The following AARS1 variants were observed in gnomAD, a reference collection of about 807,000 sequenced individuals.
The protein encoded by AARS1 is alanine--tRNA ligase, cytoplasmic.
Under a neutral mutation model 108.9 loss-of-function variants are expected in AARS1, and 72 were observed. The ratio of observed to expected loss-of-function variants is 0.66; its 90% CI spans 0.55 to 0.80. The LOEUF is 0.80. Ranked by LOEUF, AARS1 falls within the 30% of genes least tolerant of loss-of-function variation. AARS1 has a pLI of 0.00. For synonymous variants in AARS1, 489 were observed against 465.7 expected, an observed-to-expected ratio of 1.05 and a Z score of -0.64; for missense variants, 1,193 against 1,233.2, an observed-to-expected ratio of 0.97 and a Z score of 0.49.
At chr16:70,285,285 T>C (rs1458340315) in intron 1 of AARS1, among the ~76,000 whole-genome samples, 1 of 151,678 alleles carries the variant, frequency 6.6e-6, no homozygotes, top group Non-Finnish European at 1.5e-5. Flanking sequence ...TACTTTTAAG[T>C]TGTTTAGCTG....
At chr16:70,256,520 G>T (rs1164819337) in intron 15 of AARS1, among the ~76,000 whole-genome samples, 2 of 152,060 alleles carry the variant, frequency 1.3e-5, no homozygotes, top group Non-Finnish European at 2.9e-5. Flanking sequence ...GGCTGGTCTT[G>T]AACTCCTGAC....
intron 2 of AARS1, among the ~76,000 whole-genome samples, chr16:70,279,670 C>CAAAAAAAAA (rs367753826): frequency 5.2e-5 from 6 of 114,576 alleles, no homozygotes; most frequent in Non-Finnish European, 3.5e-5. Context: ...CAAAAAAAAA[C>CAAAAAAAAA]AAAAAAAAAA....
At chr16:70,266,143 C>T (rs1416620227) in intron 9 of AARS1, among the ~76,000 whole-genome samples, 2 of 152,082 alleles carry the variant, frequency 1.3e-5, no homozygotes, top group Non-Finnish European at 2.9e-5. Flanking sequence ...GAAACCCTGT[C>T]TCTACTAAAA....
chr16:70,265,258 G>A, intron 10 of AARS1, 156 bp from the exon 11 acceptor site: 1 of 1,084,200 alleles, frequency 9.2e-7, no homozygotes, highest in Non-Finnish European at 1.4e-6. Flanking sequence ...ATTCTCTGTT[G>A]TGGAAACTTC....
At chr16:70,276,698 G>A (rs1960561067) in intron 3 of AARS1, 67 bp from the exon 4 acceptor site, 2 of 1,526,482 alleles carry the variant, frequency 1.3e-6, no homozygotes, top group East Asian at 4.5e-5. Flanking sequence ...TATGAGACCA[G>A]ATGCTAGGAA....
Position 70,253,707 on chromosome 16 carries a change from G to T in AARS1, c.2607+7C>A, listed in dbSNP as rs753678160. On this transcript the variant is annotated splice_region_variant and intron_variant, in intron 19 of 20. Transcript: ENST00000261772. ...CCTAGGGGAGGGGACCCTGGCCCCT[G>T]GGTTGCCTTGGCTGAGGCGCCGCTC... 6.2e-7 allele frequency: 1 copy of T among 1,613,408 alleles called. No homozygotes were observed. The highest frequency in any genetic ancestry group is 1.1e-5 in the South Asian group (1 of 91,066).
chr16:70,257,588 C>G (rs879434022), intron 15 of AARS1, among the ~76,000 whole-genome samples: 1 of 152,138 alleles, frequency 6.6e-6, no homozygotes, highest in African/African-American at 2.4e-5. Context: ...GTGGCCTGCT[C>G]GGGGGCTCTG....
At chr16:70,254,295 C>T (rs1253159560) in intron 17 of AARS1, 2 of 600,792 alleles carry the variant, frequency 3.3e-6, no homozygotes, top group Non-Finnish European at 5.9e-6. Flanking sequence ...TGATAAGCTT[C>T]CTGGCAGCTT....
rs566050181 is a variant in AARS1 at position 70,274,511 on chromosome 16, G to A, written c.479+1975C>T. ...GAGGCCGAGGCGTGTGGATCACCAG[G>A]TCAGGAGTTCAAGACCAGCCTGGCC... On this transcript the variant is annotated intron_variant, in intron 4 of 20. Transcript: ENST00000261772. 2.1e-4 allele frequency among the ~76,000 whole-genome samples: 32 copies of A among 151,630 alleles called. No individual in the cohort carries two copies. The South Asian group carries it at 4.0e-3, about 19-fold the overall frequency.
chr16:70,266,132 T>C (rs994918889), intron 9 of AARS1, among the ~76,000 whole-genome samples: 9 of 151,936 alleles, frequency 5.9e-5, no homozygotes, highest in Admixed American at 1.3e-4. Context: ...GCCAATACGG[T>C]GAAACCCTGT....
intron 9 of AARS1, among the ~76,000 whole-genome samples, chr16:70,267,415 T>C (rs1261047999): frequency 6.6e-6 from 1 of 152,162 alleles, no homozygotes; most frequent in Non-Finnish European, 1.5e-5. Context: ...GAGAAATGAG[T>C]GTGGAAAAGA....
intron 16 of AARS1, among the ~76,000 whole-genome samples, chr16:70,255,176 G>GTAGAT (rs1431868994): frequency 6.6e-6 from 1 of 151,106 alleles, no homozygotes; most frequent in African/African-American, 2.4e-5. Context: ...ACAGGAGGGG[G>GTAGAT]TAGATGGCCA....
intron 15 of AARS1, among the ~76,000 whole-genome samples, chr16:70,257,757 C>G (rs1159836599): frequency 1.3e-5 from 2 of 152,206 alleles, no homozygotes; most frequent in Non-Finnish European, 2.9e-5. Flanking sequence ...CTAGTTTCAG[C>G]CCAGCAAACA....
At chr16:70,279,660 C>CAAAAA (rs1237907744) in intron 2 of AARS1, among the ~76,000 whole-genome samples, 1 of 39,400 alleles carries the variant, frequency 2.5e-5, no homozygotes, top group African/African-American at 8.6e-5. Flanking sequence ...AACTCTGTCT[C>CAAAAA]AAAAAAAAAC....
At chr16:70,273,574 C>T (rs1242598745) in intron 4 of AARS1, among the ~76,000 whole-genome samples, 1 of 151,894 alleles carries the variant, frequency 6.6e-6, no homozygotes, top group African/African-American at 2.4e-5. Flanking sequence ...AAAAATTAGC[C>T]AGACAGGGCC....
At chr16:70,270,085 G>A (rs1421541905) in intron 6 of AARS1, 111 bp downstream of exon 6, 2 of 1,347,416 alleles carry the variant, frequency 1.5e-6, no homozygotes, top group African/African-American at 2.9e-5. Flanking sequence ...AGATGGAAAT[G>A]GGTACCCTTG....
Position 70,270,315 on chromosome 16 carries a change from GAGGTTTCAGAATGCCATC to G in AARS1, c.679_696del (p.Asp227_Pro232del), listed in dbSNP as rs1166868682. The G allele has an allele frequency of 6.2e-7, 1 of 1,614,212 alleles. No individual in the cohort carries two copies. Among genetic ancestry groups the G allele is most frequent in the East Asian group, 2.2e-5 (1 of 44,886 alleles). On this transcript the variant is annotated inframe_deletion, in exon 6 of 21. Transcript: ENST00000261772. ...CCTGTGTCAATGCTTTTCTTGGGAA[GAGGTTTCAGAATGCCATC>G]AGCTTCCCTGTATGATCCAGAAGAA...
chr16:70,261,754 C>A (rs919599997), intron 12 of AARS1, among the ~76,000 whole-genome samples: 2 of 150,206 alleles, frequency 1.3e-5, no homozygotes, highest in African/African-American at 4.9e-5. Flanking sequence ...ACTGCAACCA[C>A]CCTCTCCTGG....
chr16:70,278,780 G>A (rs1216138291), intron 2 of AARS1, among the ~76,000 whole-genome samples: 1 of 151,944 alleles, frequency 6.6e-6, no homozygotes, highest in Non-Finnish European at 1.5e-5. Flanking sequence ...CTAGCTGGGT[G>A]CCTAATATCA....
Sources: allele counts gnomAD v4.1 joint callset (sites outside exome capture counted in the v4.1 genomes callset), GRCh38; gene constraint gnomAD v4.1.1; transcripts MANE v1.5; gene names NCBI Gene and HGNC (gene_info 2026-07-23, HGNC 2026-07-21).